Variants in FAHD2A observed in about 807,000 individuals in gnomAD.
The protein encoded by FAHD2A is oxaloacetate tautomerase FAHD2A, mitochondrial.
A neutral mutation model predicts 33.4 loss-of-function variants in FAHD2A; 27 were observed. The ratio of observed to expected loss-of-function variants is 0.81; its 90% CI spans 0.60 to 1.11. The LOEUF is 1.11. Among genes scored for constraint, FAHD2A ranks in the 50% most tolerant of loss-of-function variants. FAHD2A has a pLI of 0.00. For synonymous variants in FAHD2A, 130 were observed against 153.3 expected (o/e 0.85, Z 1.12); for missense variants, 296 against 395.0 (o/e 0.75, Z 2.12).
intron 5 of FAHD2A, among the ~76,000 whole-genome samples, chr2:95,411,647 G>A (rs956132835): frequency 1.3e-5 from 2 of 152,234 alleles, no homozygotes; most frequent in Non-Finnish European, 2.9e-5. Context: ...TCTACTTAAG[G>A]GGGGTAGAAC....
At chr2:95,407,965 A>T (rs1681873727) in intron 3 of FAHD2A, among the ~76,000 whole-genome samples, 1 of 150,670 alleles carries the variant, frequency 6.6e-6, no homozygotes, top group South Asian at 2.1e-4. Flanking sequence ...ACCTGGTTTC[A>T]TTGTAAACAT....
At position 95,416,133 on chromosome 2, in the gene FAHD2A, G is replaced by A. The variant is rs1277384877; in HGVS notation, c.*3176G>A. The A allele has an allele frequency of 5.3e-5, 8 of 152,150 alleles. No homozygotes were observed. Among genetic ancestry groups the A allele is most frequent in the Non-Finnish European group, 1.2e-4 (8 of 68,036 alleles). The allele number at this position is 152,150 out of a possible 1,614,324, so 9.4% of individuals were successfully genotyped here. A position where few individuals can be genotyped will look rare whatever the true frequency, so the allele number is the denominator to read the frequency against. ...CCAGGCAGCCACAGGGAGGACATGT[G>A]GCCTCAGGAAGCCTGGGTGTGTATC... is the stretch of plus-strand genomic sequence containing the variant. On this transcript the variant is annotated 3_prime_UTR_variant, in exon 8 of 8. Transcript: ENST00000233379.
At position 95,413,831 on chromosome 2, in the gene FAHD2A, T is replaced by C. The variant is rs1470877362; in HGVS notation, c.*874T>C. The C allele has an allele frequency of 1.4e-6, 1 of 733,696 alleles. No homozygotes were observed. Among genetic ancestry groups the C allele is most frequent in the African/African-American group, 1.8e-5 (1 of 56,820 alleles). 45.4% of individuals were successfully genotyped at this position (733,696 alleles called of 1,614,324 possible). The stretch of plus-strand genomic sequence containing the variant: ...CTATTGCTGGAAGACACCAAGTAAA[T>C]CCCAGGGTCTTAATGAGGCACCATC... On this transcript the variant is annotated 3_prime_UTR_variant, in exon 8 of 8. Coordinates refer to ENST00000233379, the MANE Select transcript of FAHD2A (RefSeq NM_016044.3).
downstream of FAHD2A, among the ~76,000 whole-genome samples, chr2:95,419,648 G>C (rs1292543142): frequency 6.6e-6 from 1 of 152,040 alleles, no homozygotes; most frequent in Admixed American, 6.6e-5. Flanking sequence ...GTGATGAAAC[G>C]CATTGCTATC....
rs1363413061 is a variant in FAHD2A at position 95,416,575 on chromosome 2, A to T, written c.*3618A>T. 6.6e-6 allele frequency: 1 copy of T among 152,234 alleles called. No individual in the cohort carries two copies. The highest frequency in any genetic ancestry group is 2.4e-5 in the African/African-American group (1 of 41,430). 9.4% of individuals were successfully genotyped at this position (152,234 alleles called of 1,614,324 possible). ...CACCCAGTCTCCCAACCCCACACAT[A>T]TTCACAAATAAAAGAAAATAACAAA... On this transcript the variant is annotated 3_prime_UTR_variant, in exon 8 of 8. Transcript: ENST00000233379.
Position 95,413,472 on chromosome 2 carries a change from G to A in FAHD2A, c.*515G>A. ...AGTTCTAGCTACAAGTGAACTGCCGGATGAACTGTTCTAGTTTTTCCTGAT... is the reference window on the plus strand; with the variant it reads ...AGTTCTAGCTACAAGTGAACTGCCGAATGAACTGTTCTAGTTTTTCCTGAT... On this transcript the variant is annotated 3_prime_UTR_variant, in exon 8 of 8. Coordinates refer to ENST00000233379, the MANE Select transcript of FAHD2A (RefSeq NM_016044.3). 2 of 1,610,586 alleles carry A rather than the reference G, an allele frequency of 1.2e-6. No individual in the cohort carries two copies. Among genetic ancestry groups the A allele is most frequent in the South Asian group, 1.1e-5 (1 of 90,656 alleles).
At position 95,413,942 on chromosome 2, in the gene FAHD2A, G is replaced by T; in HGVS notation, c.*985G>T. The T allele has an allele frequency of 8.0e-7, 1 of 1,254,480 alleles. No individual in the cohort carries two copies. The highest frequency in any genetic ancestry group is 1.2e-6 in the Non-Finnish European group (1 of 853,572). 77.7% of individuals were successfully genotyped at this position (1,254,480 alleles called of 1,614,324 possible). On this transcript the variant is annotated 3_prime_UTR_variant, in exon 8 of 8. Coordinates refer to ENST00000233379, the MANE Select transcript of FAHD2A (RefSeq NM_016044.3). ...TGGGAGCAGGGGGACAGAAGATGGTGACACTGGCTCCTCTCACCCCTAGGT... is the reference window on the plus strand; with the variant it reads ...TGGGAGCAGGGGGACAGAAGATGGTTACACTGGCTCCTCTCACCCCTAGGT...
chr2:95,406,850 A>G, intron 2 of FAHD2A, 91 bp from the exon 3 acceptor site: 1 of 1,469,082 alleles, frequency 6.8e-7, no homozygotes. Context: ...TCAAAAAGCA[A>G]AACCTGTAGC....
intron 3 of FAHD2A, among the ~76,000 whole-genome samples, chr2:95,408,915 A>G (rs1682047643): frequency 6.6e-6 from 1 of 152,258 alleles, no homozygotes; most frequent in African/African-American, 2.4e-5. Context: ...TGAGCTGGCC[A>G]TAGTTTGCCA....
Position 95,410,979 on chromosome 2 carries a change from CCTT to C in FAHD2A, c.641_643del (p.Phe214del), listed in dbSNP as rs1477673996. The C allele has an allele frequency of 1.4e-5, 23 of 1,614,008 alleles. No homozygotes were observed. Among genetic ancestry groups the C allele is most frequent in the Non-Finnish European group, 1.9e-5 (22 of 1,179,860 alleles). ...TGGCTGCTGGGAAAAACCTTCGACA[CCTT>C]CTGCCCTCTGGGCCCTGCCTTGGTG... On this transcript the variant is annotated inframe_deletion, in exon 5 of 8. Transcript: ENST00000233379.
Position 95,406,981 on chromosome 2 carries a change from GT to G in FAHD2A, c.287del (p.Val96GlufsTer18). On this transcript the variant is annotated frameshift_variant, in exon 3 of 8. Transcript: ENST00000233379. LOFTEE classifies it high-confidence loss of function. ...AQLPVLPRSE[V>X]TFLAPVTRPD... ...GTTGCCAGTCCTACCACGGTCGGAGGTAACCTTCCTGGCTCCAGTCACACGA... is the reference window on the plus strand; with the variant it reads ...GTTGCCAGTCCTACCACGGTCGGAGGAACCTTCCTGGCTCCAGTCACACGA... 6.2e-7 allele frequency: 1 copy of G among 1,613,996 alleles called. No homozygotes were observed. The highest frequency in any genetic ancestry group is 8.5e-7 in the Non-Finnish European group (1 of 1,179,868).
chr2:95,403,393 G>A (rs1681033116), intron 1 of FAHD2A, among the ~76,000 whole-genome samples: 1 of 152,182 alleles, frequency 6.6e-6, no homozygotes, highest in Admixed American at 6.5e-5. Flanking sequence ...GGGGCCTGGG[G>A]TTCTCTTGGA....
At position 95,405,308 on chromosome 2, in the gene FAHD2A, G is replaced by A. The variant is rs990529387; in HGVS notation, c.-6-245G>A. The A allele has an allele frequency of 8.4e-6, 4 of 477,732 alleles. No homozygotes were observed. The Admixed American group carries it at 1.1e-4, about 13-fold the overall frequency. 29.6% of individuals were successfully genotyped at this position (477,732 alleles called of 1,614,324 possible). On this transcript the variant is annotated intron_variant, in intron 1 of 7. Transcript: ENST00000233379. ...CAAGCACAGTGGGAACTTTCAGAAAGCACTGGTTGAAGGAACGCTGGAATC... is the reference window on the plus strand; with the variant it reads ...CAAGCACAGTGGGAACTTTCAGAAAACACTGGTTGAAGGAACGCTGGAATC...
In FAHD2A at chr2:95,415,366, A is replaced by G. The variant is rs2104386752; in HGVS notation, c.*2409A>G. On this transcript the variant is annotated 3_prime_UTR_variant, in exon 8 of 8. Transcript: ENST00000233379. Reference sequence around the variant, plus strand: ...TTCCCAGTGTTTAGCAACAGATTAAACTCTAAGCCAACAACAACAGAACAG... The same window carrying G: ...TTCCCAGTGTTTAGCAACAGATTAAGCTCTAAGCCAACAACAACAGAACAG... 1 of 151,960 alleles carries G rather than the reference A, an allele frequency of 6.6e-6. No individual in the cohort carries two copies. Among genetic ancestry groups the G allele is most frequent in the South Asian group, 2.1e-4 (1 of 4,782 alleles). The allele number at this position is 151,960 out of a possible 1,614,324, so 9.4% of individuals were successfully genotyped here. A position where few individuals can be genotyped will look rare whatever the true frequency, so the allele number is the denominator to read the frequency against.
rs761884564 is a variant in FAHD2A at position 95,406,996 on chromosome 2, C to G, written c.301C>G (p.Pro101Ala). ...ACGGTCGGAGGTAACCTTCCTGGCT[C>G]CAGTCACACGACCAGATAAGGTGGT... Reference protein sequence around the residue: ...LPRSEVTFLAPVTRPDKVVCV... With the variant: ...LPRSEVTFLAAVTRPDKVVCV... The change falls in exon 3 of 8, where the codon CCA (proline) becomes GCA (alanine). Residue 101 changes from proline to alanine, a missense_variant. Pro to Ala is a conservative substitution (Grantham distance 27). Coordinates refer to ENST00000233379, the MANE Select transcript of FAHD2A (RefSeq NM_016044.3). 9.3e-5 allele frequency: 150 copies of G among 1,613,854 alleles called. No individual in the cohort carries two copies. In the Admixed American group the frequency reaches 2.0e-3, roughly 22 times the overall value.
Position 95,416,260 on chromosome 2 carries a change from A to G in FAHD2A, c.*3303A>G, listed in dbSNP as rs1204999699. Reference sequence around the variant, plus strand: ...ATATCCTTAAAGTGCCTCTGAGGCCAAAGCCTTTGTGGCAATTGTCAAATG... The same window carrying G: ...ATATCCTTAAAGTGCCTCTGAGGCCGAAGCCTTTGTGGCAATTGTCAAATG... On this transcript the variant is annotated 3_prime_UTR_variant, in exon 8 of 8. Transcript: ENST00000233379. 2 of 152,248 alleles carry G rather than the reference A, an allele frequency of 1.3e-5. No individual in the cohort carries two copies. Among genetic ancestry groups the G allele is most frequent in the African/African-American group, 4.8e-5 (2 of 41,456 alleles). The allele number at this position is 152,248 out of a possible 1,614,324, so 9.4% of individuals were successfully genotyped here. A position where few individuals can be genotyped will look rare whatever the true frequency, so the allele number is the denominator to read the frequency against.
At chr2:95,419,118 T>G (rs1170464541), downstream of FAHD2A, among the ~76,000 whole-genome samples, 2 of 152,044 alleles carry the variant, frequency 1.3e-5, no homozygotes, top group Non-Finnish European at 2.9e-5. Flanking sequence ...AGCAAGGCCC[T>G]GCTACATCTT....
chr2:95,408,216 T>C (rs1681931193), intron 3 of FAHD2A, among the ~76,000 whole-genome samples: 1 of 152,052 alleles, frequency 6.6e-6, no homozygotes, highest in South Asian at 2.1e-4. Context: ...TTGAATAATA[T>C]TTAATATGAA....
Position 95,414,247 on chromosome 2 carries a change from C to T in FAHD2A, c.*1290C>T. 8 of 1,602,318 alleles carry T rather than the reference C, an allele frequency of 5.0e-6. No individual in the cohort carries two copies. In the South Asian group the frequency reaches 8.9e-5, roughly 18 times the overall value. ...GCCTGGGCTGACTGGTTGGGACTCA[C>T]CAAAGATCCCTTCTTCCTGGGCGGT... On this transcript the variant is annotated 3_prime_UTR_variant, in exon 8 of 8. Coordinates refer to ENST00000233379, the MANE Select transcript of FAHD2A (RefSeq NM_016044.3).
Sources: allele counts gnomAD v4.1 joint callset (sites outside exome capture counted in the v4.1 genomes callset), GRCh38; gene constraint gnomAD v4.1.1; transcripts MANE v1.5; gene names NCBI Gene and HGNC (gene_info 2026-07-23, HGNC 2026-07-21).